DTNB: variants seen among roughly 807,000 people sequenced by gnomAD.
DTNB encodes DTN-B.
DTNB carries 63 observed loss-of-function variants against 90.7 expected under a neutral mutation model. That is an observed-to-expected ratio of 0.69 (90% CI 0.57 to 0.86). The LOEUF is 0.86. Ranked by LOEUF, DTNB falls within the 40% of genes least tolerant of loss-of-function variation. The probability of loss-of-function intolerance (pLI) is 0.00; values close to 1 mark genes in which losing one functional copy is unlikely to be tolerated. For synonymous variants in DTNB, 277 were observed against 286.7 expected (o/e 0.97, Z 0.34); for missense variants, 744 against 807.1 (o/e 0.92, Z 0.95).
chr2:25,562,188 ATG>A (rs1423162431), intron 8 of DTNB, among the ~76,000 whole-genome samples: 2 of 152,208 alleles, frequency 1.3e-5, no homozygotes, highest in Non-Finnish European at 2.9e-5. Flanking sequence ...GTAACACAAT[ATG>A]TGACATTTTG....
intron 5 of DTNB, among the ~76,000 whole-genome samples, chr2:25,599,885 C>T (rs891690556): frequency 3.9e-5 from 6 of 151,978 alleles, no homozygotes; most frequent in African/African-American, 1.5e-4. Context: ...TCGCTTGAGC[C>T]CAGGAGTTCA....
intron 9 of DTNB, among the ~76,000 whole-genome samples, chr2:25,509,485 C>T (rs779559392): frequency 3.3e-5 from 5 of 150,864 alleles, no homozygotes; most frequent in Non-Finnish European, 7.3e-5. Context: ...TATTCATCTG[C>T]AAATGTTTTT....
At chr2:25,447,123 T>C (rs985593293) in intron 12 of DTNB, among the ~76,000 whole-genome samples, 6 of 152,250 alleles carry the variant, frequency 3.9e-5, no homozygotes, top group Non-Finnish European at 8.8e-5. Flanking sequence ...TTTAATTCCT[T>C]CTTTTAGGTC....
intron 2 of DTNB, among the ~76,000 whole-genome samples, chr2:25,645,922 A>G (rs1411376448): frequency 2.0e-5 from 3 of 152,182 alleles, no homozygotes; most frequent in Admixed American, 6.5e-5. Context: ...GAGGGAAACA[A>G]TGGGATGGAA....
At chr2:25,530,382 A>G (rs2077938935) in intron 9 of DTNB, among the ~76,000 whole-genome samples, 3 of 151,962 alleles carry the variant, frequency 2.0e-5, no homozygotes, top group South Asian at 2.1e-4. Flanking sequence ...GGCTGCAGTG[A>G]GCCGAGATCA....
At chr2:25,388,601 GGGAGGGAAAGAAGAGGC>G in intron 16 of DTNB, 1 of 499,094 alleles carries the variant, frequency 2.0e-6, no homozygotes, top group Non-Finnish European at 3.5e-6. Context: ...GACCAAGAAT[GGGAGGGAAAGAAGAGGC>G]TGGCACAGAG....
At chr2:25,389,249 T>C (rs973247263) in intron 16 of DTNB, among the ~76,000 whole-genome samples, 3 of 152,242 alleles carry the variant, frequency 2.0e-5, no homozygotes, top group African/African-American at 7.2e-5. Context: ...GAACAACCCC[T>C]TGACTCCAAG....
chr2:25,415,495 A>AG (rs1235470349), intron 16 of DTNB, among the ~76,000 whole-genome samples: 2 of 152,034 alleles, frequency 1.3e-5, no homozygotes, highest in African/African-American at 4.8e-5. Context: ...GAATCTCCAG[A>AG]GTGATATGCG....
In DTNB at chr2:25,582,796, T is replaced by C. The variant is rs115595536; in HGVS notation, c.604-1970A>G. Among the ~76,000 whole-genome samples the C allele has an allele frequency of 2.1e-3, 324 of 152,268 alleles. 3 individuals carry two copies. The highest frequency in any genetic ancestry group is 7.4e-3 in the African/African-American group (306 of 41,536). ...ACCCTAAGTGTTTTCCATCTCAGGA[T>C]CCAAGAATACTATTGTTTGAGACCT... On this transcript the variant is annotated intron_variant, in intron 6 of 20. Transcript: ENST00000406818.
intron 7 of DTNB, 105 bp from the exon 8 acceptor site, chr2:25,577,109 GA>G: frequency 8.1e-7 from 1 of 1,240,800 alleles, no homozygotes; most frequent in East Asian, 2.7e-5. Context: ...CAATACAGAG[GA>G]ATACCAAAAC....
chr2:25,478,450 A>G (rs539831660), intron 10 of DTNB, among the ~76,000 whole-genome samples: 1 of 152,206 alleles, frequency 6.6e-6, no homozygotes, highest in African/African-American at 2.4e-5. Context: ...GCACACAGCT[A>G]TGTGCTAGGT....
At chr2:25,451,411 C>G in intron 12 of DTNB, 137 bp downstream of exon 12, 1 of 880,040 alleles carries the variant, frequency 1.1e-6, no homozygotes, top group Non-Finnish European at 1.7e-6. Context: ...TTTCCTTCTA[C>G]TCTTAGCATG....
chr2:25,579,574 T>A (rs2061243462), intron 7 of DTNB, among the ~76,000 whole-genome samples: 1 of 152,042 alleles, frequency 6.6e-6, no homozygotes, highest in South Asian at 2.1e-4. Flanking sequence ...GGAGATAAAC[T>A]GATGGCAAGA....
intron 4 of DTNB, among the ~76,000 whole-genome samples, chr2:25,625,308 A>G: frequency 1.3e-5 from 2 of 152,368 alleles, no homozygotes; most frequent in East Asian, 3.9e-4. Flanking sequence ...GTATTTAACG[A>G]CAAAATGCCC....
intron 9 of DTNB, among the ~76,000 whole-genome samples, chr2:25,489,866 C>T (rs929996687): frequency 1.3e-5 from 2 of 152,088 alleles, no homozygotes; most frequent in African/African-American, 4.8e-5. Flanking sequence ...TGCCTTAATA[C>T]ATAAAGGATT....
At chr2:25,609,062 G>A (rs1286053334) in intron 4 of DTNB, among the ~76,000 whole-genome samples, 1 of 152,188 alleles carries the variant, frequency 6.6e-6, no homozygotes, top group African/African-American at 2.4e-5. Flanking sequence ...TGGCCAGAGA[G>A]GTGTCTTCAT....
intron 2 of DTNB, among the ~76,000 whole-genome samples, chr2:25,646,713 G>C (rs566587139): frequency 6.6e-6 from 1 of 152,128 alleles, no homozygotes; most frequent in East Asian, 1.9e-4. Flanking sequence ...TGCCTTTCTG[G>C]ACCAAACCAA....
chr2:25,380,573 A>G (rs1294034902), intron 19 of DTNB, among the ~76,000 whole-genome samples: 1 of 152,256 alleles, frequency 6.6e-6, no homozygotes, highest in African/African-American at 2.4e-5. Flanking sequence ...ATAGACATAC[A>G]GACATTCTGG....
chr2:25,573,914 A>G (rs2060262231), intron 8 of DTNB, among the ~76,000 whole-genome samples: 1 of 152,160 alleles, frequency 6.6e-6, no homozygotes, highest in Non-Finnish European at 1.5e-5. Flanking sequence ...ATTCTTCTCC[A>G]TCCATCATTC....
Sources: gnomAD v4.1 joint callset for allele counts (sites outside exome capture counted in the v4.1 genomes callset) on GRCh38, gnomAD v4.1.1 for gene constraint, MANE v1.5 for transcripts, NCBI Gene and HGNC (gene_info 2026-07-23, HGNC 2026-07-21) for gene names.